The following ZNF385D variants were observed in gnomAD, a reference collection of about 807,000 sequenced individuals.
The protein encoded by ZNF385D is zinc finger protein 659.
Under a neutral mutation model 35.8 loss-of-function variants are expected in ZNF385D, and 15 were observed. The ratio of observed to expected loss-of-function variants is 0.42; its 90% CI spans 0.28 to 0.64. The LOEUF is 0.64. ZNF385D is among the 30% of genes least tolerant of loss of function. The pLI is 0.23. For synonymous variants in ZNF385D, 212 were observed against 186.8 expected (o/e 1.13, Z -1.10); for missense variants, 474 against 494.6 (o/e 0.96, Z 0.39).
intron 3 of ZNF385D, among the ~76,000 whole-genome samples, chr3:22,048,101 C>A (rs1172604763): frequency 2.6e-5 from 4 of 152,024 alleles, no homozygotes; most frequent in African/African-American, 9.7e-5. Context: ...TGTTTACTTA[C>A]TATTGAATTG....
chr3:22,334,213 T>C (rs929166833), intron 2 of ZNF385D, among the ~76,000 whole-genome samples: 3 of 152,190 alleles, frequency 2.0e-5, no homozygotes, highest in African/African-American at 7.2e-5. Flanking sequence ...TTCTATTTGT[T>C]ATCTGTGTTA....
chr3:22,371,078 A>C (rs1476229184), intron 2 of ZNF385D, among the ~76,000 whole-genome samples: 1 of 152,224 alleles, frequency 6.6e-6, no homozygotes, highest in Non-Finnish European at 1.5e-5. Context: ...AAGAAATTGC[A>C]GCAAAGCCCG....
chr3:21,749,773 C>T (rs907650228), intron 1 of ZNF385D, among the ~76,000 whole-genome samples: 19 of 152,168 alleles, frequency 1.2e-4, no homozygotes, highest in Non-Finnish European at 2.1e-4. Flanking sequence ...AGATTCCTTC[C>T]ACACACTCTC....
At chr3:21,537,037 G>A (rs1275735259) in intron 3 of ZNF385D, among the ~76,000 whole-genome samples, 1 of 148,030 alleles carries the variant, frequency 6.8e-6, no homozygotes, top group African/African-American at 2.5e-5. Context: ...AAAAAACTAA[G>A]TAATCAAGAT....
chr3:21,756,340 A>C (rs1232151602), intron 3 of ZNF385D, among the ~76,000 whole-genome samples: 4 of 152,206 alleles, frequency 2.6e-5, no homozygotes, highest in Non-Finnish European at 5.9e-5. Context: ...TTGAGGACTG[A>C]GCAAATGGAA....
intron 2 of ZNF385D, among the ~76,000 whole-genome samples, chr3:21,601,856 A>G (rs906394599): frequency 3.9e-5 from 6 of 152,030 alleles, no homozygotes; most frequent in Non-Finnish European, 7.4e-5. Flanking sequence ...ACTTCCCTAC[A>G]TGTCTCCAAC....
intron 3 of ZNF385D, among the ~76,000 whole-genome samples, chr3:22,119,736 T>C (rs951588697): frequency 6.6e-6 from 1 of 152,172 alleles, no homozygotes; most frequent in African/African-American, 2.4e-5. Flanking sequence ...GTAGATTTTG[T>C]GTCACAGGAT....
intron 2 of ZNF385D, among the ~76,000 whole-genome samples, chr3:22,359,359 A>G (rs1015236906): frequency 1.3e-5 from 2 of 151,868 alleles, no homozygotes; most frequent in African/African-American, 2.4e-5. Context: ...AGAAGAACAG[A>G]TGAGATTTTT....
chr3:22,045,881 G>A (rs1698977166), intron 3 of ZNF385D, among the ~76,000 whole-genome samples: 1 of 152,024 alleles, frequency 6.6e-6, no homozygotes, highest in Non-Finnish European at 1.5e-5. Flanking sequence ...CCACTCATCA[G>A]AGGTAGAATT....
intron 2 of ZNF385D, among the ~76,000 whole-genome samples, chr3:22,263,850 T>TCC (rs948521270): frequency 1.3e-5 from 2 of 151,830 alleles, no homozygotes; most frequent in African/African-American, 2.4e-5. Flanking sequence ...CCAAATGCCC[T>TCC]CCCATGCACA....
chr3:22,169,151 T>C (rs1333772343), intron 2 of ZNF385D: 1 of 292,674 alleles, frequency 3.4e-6, no homozygotes, highest in East Asian at 1.7e-4. Flanking sequence ...AAAATTTCTA[T>C]GTACTCTCAT....
chr3:22,300,074 T>G (rs1370593043), intron 2 of ZNF385D, among the ~76,000 whole-genome samples: 2 of 151,960 alleles, frequency 1.3e-5, no homozygotes, highest in African/African-American at 4.8e-5. Context: ...AAAGCTATAG[T>G]AATCAAAACA....
intron 1 of ZNF385D, among the ~76,000 whole-genome samples, chr3:21,708,861 GCACA>G (rs34469159): frequency 0.099 from 14,652 of 148,280 alleles, 736 homozygotes; most frequent in East Asian, 0.14. Flanking sequence ...GTGTGGGCGT[GCACA>G]CACACACACA....
At chr3:22,065,373 T>C (rs1699888414) in intron 3 of ZNF385D, among the ~76,000 whole-genome samples, 1 of 152,192 alleles carries the variant, frequency 6.6e-6, no homozygotes, top group Non-Finnish European at 1.5e-5. Flanking sequence ...AACACAGTGC[T>C]GGGGACTTGA....
rs527482567 is a variant in ZNF385D, at chr3:21,903,707, C to T, written c.326-238679G>A. Among the ~76,000 whole-genome samples, 17 of 152,224 alleles carry T rather than the reference C, an allele frequency of 1.1e-4. 1 individual carries two copies. The South Asian group carries it at 3.3e-3, about 30-fold the overall frequency. On this transcript the variant is annotated intron_variant, in intron 3 of 5. Coordinates refer to the ZNF385D transcript ENST00000494108. The stretch of plus-strand genomic sequence containing the variant: ...TAAAATGACAGCTGTCTATGTCATC[C>T]ATGAACACGTCTCTCTGGCAAAAGC...
At chr3:21,800,992 A>C (rs2072373098) in intron 3 of ZNF385D, among the ~76,000 whole-genome samples, 1 of 152,106 alleles carries the variant, frequency 6.6e-6, no homozygotes, top group Non-Finnish European at 1.5e-5. Flanking sequence ...TTTTTCTTAA[A>C]TGCCCTTTAC....
chr3:21,933,068 G>A (rs1359319324), intron 3 of ZNF385D, among the ~76,000 whole-genome samples: 1 of 152,156 alleles, frequency 6.6e-6, no homozygotes, highest in Non-Finnish European at 1.5e-5. Context: ...GAATCTTGGA[G>A]CTCTGGGCAG....
At chr3:21,628,208 A>G (rs2065187459) in intron 2 of ZNF385D, among the ~76,000 whole-genome samples, 1 of 152,096 alleles carries the variant, frequency 6.6e-6, no homozygotes, top group South Asian at 2.1e-4. Context: ...GCTGTTGCAA[A>G]AAGTCTTCAC....
At chr3:22,093,212 TGAC>T (rs1701422118) in intron 3 of ZNF385D, among the ~76,000 whole-genome samples, 1 of 152,160 alleles carries the variant, frequency 6.6e-6, no homozygotes, top group South Asian at 2.1e-4. Flanking sequence ...TTAAGACTAC[TGAC>T]TTTACTATTT....
Sources: allele counts gnomAD v4.1 joint callset (sites outside exome capture counted in the v4.1 genomes callset), GRCh38; gene constraint gnomAD v4.1.1; transcripts MANE v1.5; gene names NCBI Gene and HGNC (gene_info 2026-07-23, HGNC 2026-07-21).